The following TECPR2 variants were observed in gnomAD, a reference collection of about 807,000 sequenced individuals.
The protein encoded by TECPR2 is tectonin beta-propeller repeat-containing protein 2.
Under a neutral mutation model 138.1 loss-of-function variants are expected in TECPR2, and 65 were observed. The ratio of observed to expected loss-of-function variants is 0.47; its 90% confidence interval spans 0.39 to 0.58. The LOEUF is 0.58. Ranked by LOEUF, TECPR2 falls within the 20% of genes least tolerant of loss-of-function variation. TECPR2 has a pLI of 0.00. For synonymous variants in TECPR2, 746 were observed against 749.8 expected (o/e 0.99, Z 0.08); for missense variants, 1,553 against 1,824.5 (o/e 0.85, Z 2.71).
Position 102,499,981 on chromosome 14 carries a change from T to C in TECPR2, c.*1724T>C, listed in dbSNP as rs1567367950. 6.5e-6 allele frequency: 1 copy of C among 152,820 alleles called. No individual in the cohort carries two copies. Among genetic ancestry groups the C allele is most frequent in the East Asian group, 1.9e-4 (1 of 5,198 alleles). The allele number at this position is 152,820 out of a possible 1,614,324, so 9.5% of individuals were successfully genotyped here. ...AGAGGCAGCCCCAGGCCGGGCTGCATCTCTCTGTGTCTGTTGTGCCTTGCC... is the reference window on the plus strand; with the variant it reads ...AGAGGCAGCCCCAGGCCGGGCTGCACCTCTCTGTGTCTGTTGTGCCTTGCC... On this transcript the variant is annotated 3_prime_UTR_variant, in exon 20 of 20. Transcript: ENST00000359520.
chr14:102,464,436 A>G (rs556926701), intron 16 of TECPR2, among the ~76,000 whole-genome samples: 86 of 151,984 alleles, frequency 5.7e-4, no homozygotes, highest in African/African-American at 1.9e-3. Flanking sequence ...TCTGTTGCCC[A>G]GGCTGGAGTG....
intron 17 of TECPR2, among the ~76,000 whole-genome samples, chr14:102,484,707 G>A (rs184044390): frequency 6.6e-6 from 1 of 152,286 alleles, no homozygotes; most frequent in Admixed American, 6.5e-5. Context: ...CACCCAGGCT[G>A]GAGTGCAGTG....
At chr14:102,455,348 G>A (rs1478639509) in intron 16 of TECPR2, among the ~76,000 whole-genome samples, 3 of 152,234 alleles carry the variant, frequency 2.0e-5, no homozygotes, top group South Asian at 2.1e-4. Flanking sequence ...GAGGTCACAG[G>A]CAGAGGTGTG....
intron 16 of TECPR2, among the ~76,000 whole-genome samples, chr14:102,456,148 G>A (rs72700620): frequency 0.025 from 3,773 of 152,262 alleles, 89 homozygotes; most frequent in South Asian, 0.097. Flanking sequence ...GGCCATCTCC[G>A]GGCGGTGTGG....
chr14:102,444,842 G>C lies in TECPR2; in HGVS notation c.2934-964G>C, dbSNP rs547435652. ...CAAAAATTAACCGGGCATCTCAGGA[G>C]GCTGAGGCAGGAGAATCACTTGAAC... On this transcript the variant is annotated intron_variant, in intron 12 of 19. Transcript: ENST00000359520. Among the ~76,000 whole-genome samples the C allele has an allele frequency of 4.6e-5, 7 of 152,300 alleles. No homozygotes were observed. The East Asian group carries it at 7.7e-4, about 17-fold the overall frequency.
rs540666633 is a variant in TECPR2 at position 102,439,827 on chromosome 14, C to G, written c.2579-609C>G. On this transcript the variant is annotated intron_variant, in intron 10 of 19. Transcript: ENST00000359520. ...CTTGCCTTGCCTGCGTCGGCCTGCT[C>G]CAGGCCTCCAGCTGCAGCGCTATCC... 1.5e-4 allele frequency among the ~76,000 whole-genome samples: 23 copies of G among 152,362 alleles called. 1 individual carries two copies. The South Asian group carries it at 4.8e-3, about 32-fold the overall frequency.
chr14:102,438,054 C>T lies in TECPR2; in HGVS notation c.2427C>T (p.Pro809=), dbSNP rs200127253. The change falls in exon 10 of 20, where the codon CCC becomes CCT. Residue 809 remains proline, a synonymous_variant. Coordinates refer to ENST00000359520, the MANE Select transcript of TECPR2 (RefSeq NM_014844.5). ...AAAGCTGGATGGGCTACTCGGGTCC[C>T]GGCTATGGCATCCTCAGCTTGGTGG... ...FAESWMGYSG[P]GYGILSLVVS... 1 of 1,614,122 alleles carries T rather than the reference C, an allele frequency of 6.2e-7. No individual in the cohort carries two copies. Among genetic ancestry groups the T allele is most frequent in the Non-Finnish European group, 8.5e-7 (1 of 1,179,994 alleles).
chr14:102,373,998 G>A (rs1363050187), intron 1 of TECPR2, among the ~76,000 whole-genome samples: 1 of 151,270 alleles, frequency 6.6e-6, no homozygotes, highest in Non-Finnish European at 1.5e-5. Flanking sequence ...GAAGAACCCA[G>A]GAGGCGAGTG....
intron 4 of TECPR2, among the ~76,000 whole-genome samples, chr14:102,409,354 C>T (rs1448293391): frequency 2.6e-5 from 4 of 151,686 alleles, no homozygotes; most frequent in Admixed American, 6.6e-5. Flanking sequence ...GGCTGGAGTG[C>T]AGTGGCCCAA....
At chr14:102,428,202 T>G in intron 6 of TECPR2, 48 bp from the exon 7 acceptor site, 1 of 1,494,594 alleles carries the variant, frequency 6.7e-7, no homozygotes. Flanking sequence ...CTGTTACCGT[T>G]GTTTAGTTTT....
At chr14:102,369,614 CAG>C (rs1230848650) in intron 1 of TECPR2, among the ~76,000 whole-genome samples, 1 of 151,904 alleles carries the variant, frequency 6.6e-6, no homozygotes, top group African/African-American at 2.4e-5. Flanking sequence ...TTTGTAGAGA[CAG>C]AGTTTTGTCA....
At chr14:102,436,496 T>G (rs529795007) in intron 9 of TECPR2, among the ~76,000 whole-genome samples, 33 of 152,118 alleles carry the variant, frequency 2.2e-4, no homozygotes, top group Non-Finnish European at 3.8e-4. Flanking sequence ...ATTTTTGTAT[T>G]TTTTGTAGAG....
intron 15 of TECPR2, among the ~76,000 whole-genome samples, chr14:102,451,988 C>T (rs972178871): frequency 6.6e-6 from 1 of 152,128 alleles, no homozygotes; most frequent in African/African-American, 2.4e-5. Flanking sequence ...CTCCCTCCCT[C>T]CAGGGCACCG....
chr14:102,497,709 G>A lies in TECPR2; in HGVS notation c.4071G>A (p.Ser1357=), dbSNP rs553124565. The A allele has an allele frequency of 8.1e-6, 13 of 1,605,168 alleles. No individual in the cohort carries two copies. The highest frequency in any genetic ancestry group is 3.3e-5 in the South Asian group (3 of 90,124). The change falls in exon 19 of 20, where the codon TCG becomes TCA. Residue 1357 remains serine, a synonymous_variant. Coordinates refer to ENST00000359520, the MANE Select transcript of TECPR2 (RefSeq NM_014844.5). ...DYWKKIPGSV[S]CFTVTASDEL... is the part of the protein sequence containing the mutation. Reference sequence around the variant, plus strand: ...GGAAGAAAATTCCCGGCAGCGTGTCGTGTTTCACAGGCAGGTGCCCGGGGC... The same window carrying A: ...GGAAGAAAATTCCCGGCAGCGTGTCATGTTTCACAGGCAGGTGCCCGGGGC...
Position 102,443,795 on chromosome 14 carries a change from G to C in TECPR2, c.2901G>C (p.Pro967=), listed in dbSNP as rs202209194. The change falls in exon 12 of 20, where the codon CCG becomes CCC. Residue 967 remains proline, a synonymous_variant. Transcript: ENST00000359520. This position sits in a 1 kb window ranked among gnomAD's most constrained non-coding sequence, Gnocchi z 4.9. ...LYREGVSSFC[P]EGEQWKCDIV... is the part of the protein sequence containing the mutation. ...GGGAGGGCGTGAGCAGCTTCTGTCC[G>C]GAAGGCGAGCAGTGGAAGTGTGACA... 5.0e-6 allele frequency: 8 copies of C among 1,598,744 alleles called. No homozygotes were observed. Among genetic ancestry groups the C allele is most frequent in the Non-Finnish European group, 6.8e-6 (8 of 1,169,366 alleles).
chr14:102,440,358 A>G, intron 10 of TECPR2, 78 bp from the exon 11 acceptor site: 2 of 1,542,586 alleles, frequency 1.3e-6, no homozygotes, highest in South Asian at 1.2e-5. Flanking sequence ...TCTCCCCTCA[A>G]TGCCCAGCAT....
intron 1 of TECPR2, among the ~76,000 whole-genome samples, chr14:102,372,074 T>C (rs1429367956): frequency 1.3e-5 from 2 of 151,970 alleles, no homozygotes; most frequent in Non-Finnish European, 2.9e-5. Context: ...AGCCTTGATC[T>C]CCTGGGCTCA....
At position 102,419,664 on chromosome 14, in the gene TECPR2, C is replaced by G. The variant is rs541482237; in HGVS notation, c.638+4871C>G. 3.3e-4 allele frequency among the ~76,000 whole-genome samples: 50 copies of G among 152,220 alleles called. No individual in the cohort carries two copies. Among genetic ancestry groups the G allele is most frequent in the African/African-American group, 1.2e-3 (50 of 41,542 alleles). On this transcript the variant is annotated intron_variant, in intron 5 of 19. Coordinates refer to ENST00000359520, the MANE Select transcript of TECPR2 (RefSeq NM_014844.5). The surrounding 1 kb of genome is among the most constrained non-coding windows in gnomAD (Gnocchi z 4.8). ...GGTAGAAGACGAGGGGTCCTCTTCC[C>G]GTCGAGTCCGTGAACCTCTTCAGAC...
chr14:102,449,675 A>G lies in TECPR2; in HGVS notation c.3122A>G (p.Gln1041Arg). The G allele has an allele frequency of 1.9e-6, 3 of 1,614,180 alleles. No homozygotes were observed. Among genetic ancestry groups the G allele is most frequent in the Non-Finnish European group, 2.5e-6 (3 of 1,180,044 alleles). The change falls in exon 14 of 20, where the codon CAG (glutamine) becomes CGG (arginine). Residue 1041 changes from glutamine to arginine, a missense_variant. Gln to Arg is a conservative substitution (Grantham distance 43). Transcript: ENST00000359520. ...GTGTTTGACCAGTGCAGCTTATTTC[A>G]GACGATAATCCATGCCACTCACTCG... ...YVVFDQCSLFQTIIHATHSVA... is the reference protein window; with the variant it reads ...YVVFDQCSLFRTIIHATHSVA...
Sources: allele counts gnomAD v4.1 joint callset (sites outside exome capture counted in the v4.1 genomes callset), GRCh38; gene constraint gnomAD v4.1.1; non-coding constraint Gnocchi (gnomAD v3.1); transcripts MANE v1.5; gene names NCBI Gene and HGNC (gene_info 2026-07-23, HGNC 2026-07-21).